CSRP1: variants seen among roughly 807,000 people sequenced by gnomAD.
CSRP1 encodes the protein cysteine and glycine rich protein 1.
A neutral mutation model predicts 25.4 loss-of-function variants in CSRP1; 16 were observed. The observed-to-expected ratio is 0.63, with a 90% CI of 0.43 to 0.96. CSRP1 has a LOEUF of 0.96. CSRP1 is among the 40% of genes least tolerant of loss of function. CSRP1 has a pLI of 0.00. For missense variants in CSRP1, 212 were observed against 243.6 expected, an observed-to-expected ratio of 0.87 and a Z score of 0.86; for synonymous variants, 97 against 95.3, an observed-to-expected ratio of 1.02 and a Z score of -0.10.
intron 1 of CSRP1, among the ~76,000 whole-genome samples, chr1:201,504,187 GTTTGAA>G (rs1664747612): frequency 6.6e-6 from 1 of 152,196 alleles, no homozygotes; most frequent in Non-Finnish European, 1.5e-5. Flanking sequence ...GTCAGCTTAT[GTTTGAA>G]TGGCAGCTCC....
chr1:201,486,936 TTAA>T, intron 4 of CSRP1: 3 of 1,276,770 alleles, frequency 2.3e-6, no homozygotes, highest in East Asian at 5.6e-5. Context: ...AAAACCCAAC[TTAA>T]TAATAATATT....
Position 201,496,256 on chromosome 1 carries a change from C to T in CSRP1, c.48G>A (p.Thr16=). The change falls in exon 2 of 6, where the codon ACG becomes ACA. Residue 16 remains threonine, a synonymous_variant. Coordinates refer to ENST00000340006, the MANE Select transcript of CSRP1 (RefSeq NM_004078.3). ...GGKKCGVCQK[T]VYFAEEVQCE... ...ACTGAACCTCTTCGGCAAAGTAAACCGTCTTCTGACACACCCCACATTTCT... is the reference window on the plus strand; with the variant it reads ...ACTGAACCTCTTCGGCAAAGTAAACTGTCTTCTGACACACCCCACATTTCT... The T allele has an allele frequency of 5.6e-6, 9 of 1,614,220 alleles. No individual in the cohort carries two copies. The highest frequency in any genetic ancestry group is 6.8e-6 in the Non-Finnish European group (8 of 1,180,048).
rs913828524 is a variant in CSRP1, at chr1:201,496,088, A to G, written c.112+104T>C. 2.2e-5 allele frequency: 18 copies of G among 827,234 alleles called. No homozygotes were observed. In the Admixed American group the frequency reaches 2.8e-4, roughly 13 times the overall value. 51.2% of individuals were successfully genotyped at this position (827,234 alleles called of 1,614,324 possible). On this transcript the variant is annotated intron_variant, in intron 2 of 5. Transcript: ENST00000340006. ...TTCAGCCAAATGTCAAGCTGTTTAC[A>G]TCCCATGGGATCAGTTCCCTGGGGT...
At chr1:201,491,853 T>C (rs1228392540) in intron 2 of CSRP1, 1 of 152,256 alleles carries the variant, frequency 6.6e-6, no homozygotes, top group Non-Finnish European at 1.5e-5. Flanking sequence ...CTCAGCTCCT[T>C]TCCTTGCAAC....
rs560030871 is a variant in CSRP1 at position 201,502,386 on chromosome 1, T to C, written c.-2+4684A>G. 1.0e-3 allele frequency among the ~76,000 whole-genome samples: 156 copies of C among 152,282 alleles called. 1 individual carries two copies. The highest frequency in any genetic ancestry group is 3.6e-3 in the African/African-American group (150 of 41,582). ...CTCGGCTTTTGCCTCCACGCCCCAGTGTCCAGAGAGCAGCTGAGGGCAGAG... is the reference window on the plus strand; with the variant it reads ...CTCGGCTTTTGCCTCCACGCCCCAGCGTCCAGAGAGCAGCTGAGGGCAGAG... On this transcript the variant is annotated intron_variant, in intron 1 of 5. Transcript: ENST00000340006.
chr1:201,489,083 C>A, intron 3 of CSRP1, 99 bp from the exon 4 acceptor site: 1 of 1,504,634 alleles, frequency 6.6e-7, no homozygotes, highest in Non-Finnish European at 9.1e-7. Context: ...CATGCCAGAG[C>A]AGCGCGCAAT....
At chr1:201,504,434 T>C (rs1349421790) in intron 1 of CSRP1, among the ~76,000 whole-genome samples, 2 of 152,244 alleles carry the variant, frequency 1.3e-5, no homozygotes, top group African/African-American at 4.8e-5. Context: ...TCTTTTGATA[T>C]TTGACAATAT....
Position 201,484,619 on chromosome 1 carries a change from CAG to C in CSRP1, c.*92_*93del. 1 of 1,188,546 alleles carries C rather than the reference CAG, an allele frequency of 8.4e-7. No individual in the cohort carries two copies. Among genetic ancestry groups the C allele is most frequent in the Non-Finnish European group, 1.2e-6 (1 of 826,832 alleles). 73.6% of individuals were successfully genotyped at this position (1,188,546 alleles called of 1,614,324 possible). A position where few individuals can be genotyped will look rare whatever the true frequency, so the allele number is the denominator to read the frequency against. On this transcript the variant is annotated 3_prime_UTR_variant, in exon 6 of 6. Transcript: ENST00000340006. Reference sequence around the variant, plus strand: ...CATTAGTGATATGTGGCAGGGCTGACAGAGAAATAATCCTGGAGGTCTCCAAA... The same window carrying C: ...CATTAGTGATATGTGGCAGGGCTGACAGAAATAATCCTGGAGGTCTCCAAA...
intron 4 of CSRP1, chr1:201,487,585 C>T (rs1664187907): frequency 1.3e-5 from 2 of 152,254 alleles, no homozygotes; most frequent in South Asian, 2.1e-4. Flanking sequence ...AACTAGGATT[C>T]AAAGCAGGCT....
At chr1:201,486,849 T>C (rs1281803362) in intron 4 of CSRP1, 5 of 1,204,412 alleles carry the variant, frequency 4.2e-6, no homozygotes, top group Non-Finnish European at 4.2e-6. Flanking sequence ...CTTTACCTTA[T>C]AGCCTGCCTA....
intron 3 of CSRP1, 154 bp downstream of exon 3, chr1:201,490,022 G>A: frequency 1.4e-6 from 1 of 705,462 alleles, no homozygotes; most frequent in Non-Finnish European, 2.3e-6. Context: ...GCAGCAGCCT[G>A]ACACATAGAC....
chr1:201,493,209 C>G lies in CSRP1; in HGVS notation c.113-2865G>C, dbSNP rs72739904. Among the ~76,000 whole-genome samples, 397 of 152,310 alleles carry G rather than the reference C, an allele frequency of 2.6e-3. 1 individual carries two copies. Among genetic ancestry groups the G allele is most frequent in the Non-Finnish European group, 3.8e-3 (258 of 68,014 alleles). On this transcript the variant is annotated intron_variant, in intron 2 of 5. Transcript: ENST00000340006. ...GAGTATACTGTAGGCCCTCTCAGTC[C>G]CTGGTCCCAGGCCAAGCCCAGGGTG...
At position 201,484,148 on chromosome 1, in the gene CSRP1, G is replaced by T; in HGVS notation, c.*565C>A. 1 of 647,062 alleles carries T rather than the reference G, an allele frequency of 1.5e-6. No homozygotes were observed. The highest frequency in any genetic ancestry group is 2.1e-5 in the Admixed American group (1 of 48,234). 40.1% of individuals were successfully genotyped at this position (647,062 alleles called of 1,614,324 possible). On this transcript the variant is annotated 3_prime_UTR_variant, in exon 6 of 6. Transcript: ENST00000340006. ...AGGCAAGAGGCCTGGAGAAGCAGGG[G>T]CTCCTAGGACCCTGCCTGCATGCCT... is the stretch of plus-strand genomic sequence containing the variant.
chr1:201,485,553 C>T, intron 4 of CSRP1, 177 bp from the exon 5 acceptor site: 1 of 599,316 alleles, frequency 1.7e-6, no homozygotes, highest in East Asian at 2.8e-5. Flanking sequence ...GGGAGAAGGC[C>T]AGGGACCACA....
intron 1 of CSRP1, among the ~76,000 whole-genome samples, chr1:201,504,831 G>A (rs545822487): frequency 1.0e-3 from 154 of 152,080 alleles, no homozygotes; most frequent in Non-Finnish European, 1.9e-3. Flanking sequence ...GGGCGCAGTG[G>A]CTCATGCCTG....
intron 2 of CSRP1, 170 bp from the exon 3 acceptor site, chr1:201,490,514 G>A: frequency 1.6e-6 from 1 of 612,400 alleles, no homozygotes; most frequent in East Asian, 2.8e-5. Flanking sequence ...ATGGGTGGGA[G>A]GACAGAGGGA....
intron 1 of CSRP1, among the ~76,000 whole-genome samples, chr1:201,500,985 C>T (rs1664654217): frequency 1.3e-5 from 2 of 152,216 alleles, no homozygotes; most frequent in African/African-American, 4.8e-5. Context: ...GTTAGGAAAA[C>T]AAGAGCTGGG....
intron 1 of CSRP1, 88 bp downstream of exon 1, chr1:201,506,982 G>C (rs1248545998): frequency 6.6e-6 from 1 of 152,236 alleles, no homozygotes; most frequent in African/African-American, 2.4e-5. Flanking sequence ...CGGGGCTGCG[G>C]CGGGGCTGGC....
intron 2 of CSRP1, 65 bp downstream of exon 2, chr1:201,496,127 G>T: frequency 7.9e-7 from 1 of 1,271,744 alleles, no homozygotes; most frequent in Non-Finnish European, 1.1e-6. Flanking sequence ...GACAGGCCCA[G>T]CCTGTGGGGG....
Sources: gnomAD v4.1 joint callset for allele counts (sites outside exome capture counted in the v4.1 genomes callset) on GRCh38, gnomAD v4.1.1 for gene constraint, MANE v1.5 for transcripts, NCBI Gene and HGNC (gene_info 2026-07-23, HGNC 2026-07-21) for gene names.